Variants in RNLS observed in about 807,000 individuals in gnomAD.
RNLS encodes renalase, FAD dependent amine oxidase, also known as renalase.
Under a neutral mutation model 39.8 loss-of-function variants are expected in RNLS, and 39 were observed. The observed-to-expected ratio is 0.98, with a 90% CI of 0.76 to 1.28. The LOEUF (loss-of-function observed/expected upper bound fraction) is 1.28, where lower values mean the gene tolerates loss of function less well. Ranked by LOEUF, RNLS falls within the 50% of genes most tolerant of loss-of-function variation. The pLI, the probability that RNLS is intolerant of heterozygous loss-of-function variation, is 0.00. For synonymous variants in RNLS, 147 were observed against 150.7 expected, an observed-to-expected ratio of 0.98 and a Z score of 0.18; for missense variants, 410 against 413.3, an observed-to-expected ratio of 0.99 and a Z score of 0.07.
intron 6 of RNLS, among the ~76,000 whole-genome samples, chr10:88,276,356 A>G (rs183213756): frequency 6.6e-6 from 1 of 152,272 alleles, no homozygotes; most frequent in East Asian, 1.9e-4. Flanking sequence ...GCAACCTAGA[A>G]ATAGGTTAAA....
intron 5 of RNLS, among the ~76,000 whole-genome samples, chr10:88,345,873 A>G (rs1158381307): frequency 6.6e-6 from 1 of 151,886 alleles, no homozygotes; most frequent in Non-Finnish European, 1.5e-5. Flanking sequence ...ACCTAATTCT[A>G]AGTGCTGAGT....
rs550617377 is a variant in RNLS, at chr10:88,313,804, C to T, written c.876+662G>A. Among the ~76,000 whole-genome samples, 18 of 152,264 alleles carry T rather than the reference C, an allele frequency of 1.2e-4. No homozygotes were observed. The South Asian group carries it at 2.7e-3, about 23-fold the overall frequency. The stretch of plus-strand genomic sequence containing the variant: ...CTAAATGACTTCACTACTGAGTTTA[C>T]GGATCAAAAGACTTTTTCTATGAAT... On this transcript the variant is annotated intron_variant, in intron 6 of 6. Transcript: ENST00000331772.
At chr10:88,225,122 A>G in the RNLS span, among the ~76,000 whole-genome samples, 2 of 152,172 alleles carry the variant, frequency 1.3e-5, no homozygotes, top group South Asian at 2.1e-4. Flanking sequence ...GGAAAAAACA[A>G]TTTTCAGTTT....
chr10:88,352,336 T>C (rs1484653006), intron 5 of RNLS, among the ~76,000 whole-genome samples: 1 of 152,202 alleles, frequency 6.6e-6, no homozygotes, highest in Non-Finnish European at 1.5e-5. Context: ...GGTTGTGGGT[T>C]TGTCATAAAT....
At chr10:88,184,269 A>T in the RNLS span, among the ~76,000 whole-genome samples, 1 of 152,130 alleles carries the variant, frequency 6.6e-6, no homozygotes, top group Non-Finnish European at 1.5e-5. Flanking sequence ...CTTATTGATG[A>T]TACCTTATTC....
intron 4 of RNLS, among the ~76,000 whole-genome samples, chr10:88,441,326 G>A (rs1427808066): frequency 1.3e-5 from 2 of 152,032 alleles, no homozygotes; most frequent in African/African-American, 2.4e-5. Flanking sequence ...TCCCACCTAC[G>A]TATACACAAG....
the RNLS span, among the ~76,000 whole-genome samples, chr10:88,188,523 G>A: frequency 6.6e-6 from 1 of 152,202 alleles, no homozygotes; most frequent in African/African-American, 2.4e-5. Context: ...GAAATTTTGG[G>A]TACGATGCTT....
chr10:88,382,170 C>CTTA (rs1851564029), intron 4 of RNLS, among the ~76,000 whole-genome samples: 1 of 152,026 alleles, frequency 6.6e-6, no homozygotes, highest in African/African-American at 2.4e-5. Flanking sequence ...ACTGTGACAT[C>CTTA]TTATTTTTTA....
chr10:88,524,715 GTTCTA>G (rs1292045683), intron 4 of RNLS, among the ~76,000 whole-genome samples: 1 of 151,588 alleles, frequency 6.6e-6, no homozygotes, highest in Non-Finnish European at 1.5e-5. Flanking sequence ...ATCACATAAA[GTTCTA>G]TTCAACAGTA....
At chr10:88,175,863 G>A in the RNLS span, among the ~76,000 whole-genome samples, 3 of 152,076 alleles carry the variant, frequency 2.0e-5, no homozygotes, top group Non-Finnish European at 4.4e-5. Flanking sequence ...TATTGTATTG[G>A]AGTCTATTTC....
At chr10:88,328,089 G>A (rs1307527822) in intron 5 of RNLS, among the ~76,000 whole-genome samples, 1 of 152,066 alleles carries the variant, frequency 6.6e-6, no homozygotes, top group Non-Finnish European at 1.5e-5. Flanking sequence ...TGTATTTTTA[G>A]TAGAGACAGG....
the RNLS span, among the ~76,000 whole-genome samples, chr10:88,197,628 T>C: frequency 6.6e-6 from 1 of 152,228 alleles, no homozygotes; most frequent in Non-Finnish European, 1.5e-5. Flanking sequence ...ATTGAATTGT[T>C]TCCCCCTCAA....
At chr10:88,414,702 A>G (rs571371049) in intron 4 of RNLS, among the ~76,000 whole-genome samples, 6 of 152,186 alleles carry the variant, frequency 3.9e-5, no homozygotes, top group Non-Finnish European at 8.8e-5. Flanking sequence ...AAGTATTGTT[A>G]GTATTGAGAA....
chr10:88,564,680 T>C (rs185748270), intron 4 of RNLS, among the ~76,000 whole-genome samples: 7 of 152,216 alleles, frequency 4.6e-5, no homozygotes, highest in African/African-American at 1.2e-4. Context: ...TAGCATTACT[T>C]TGAGGATTAA....
intron 6 of RNLS, among the ~76,000 whole-genome samples, chr10:88,275,731 T>C (rs1336904923): frequency 6.6e-6 from 1 of 152,040 alleles, no homozygotes; most frequent in Admixed American, 6.6e-5. Context: ...GGTATCAAAG[T>C]AGGAAAATAT....
At chr10:88,266,353 A>G in the RNLS span, among the ~76,000 whole-genome samples, 1 of 152,180 alleles carries the variant, frequency 6.6e-6, no homozygotes, top group Non-Finnish European at 1.5e-5. Context: ...TACGTTCTTT[A>G]GAGCTTTGGA....
chr10:88,408,238 T>C (rs549969141), intron 4 of RNLS, among the ~76,000 whole-genome samples: 59 of 152,232 alleles, frequency 3.9e-4, no homozygotes, highest in Middle Eastern at 3.4e-3. Context: ...TCCTTTTTAT[T>C]TTCTTCCTTT....
At chr10:88,393,011 T>C (rs1852303851) in intron 4 of RNLS, among the ~76,000 whole-genome samples, 2 of 152,182 alleles carry the variant, frequency 1.3e-5, no homozygotes, top group South Asian at 2.1e-4. Flanking sequence ...CTAAAAACTC[T>C]CAATAAATTA....
chr10:88,242,600 G>A, the RNLS span, among the ~76,000 whole-genome samples: 9 of 152,074 alleles, frequency 5.9e-5, no homozygotes, highest in Non-Finnish European at 1.3e-4. Context: ...AACCAACCTC[G>A]ATATGAATTA....
Sources: allele counts gnomAD v4.1 joint callset (sites outside exome capture counted in the v4.1 genomes callset), GRCh38; gene constraint gnomAD v4.1.1; transcripts MANE v1.5; gene names NCBI Gene and HGNC (gene_info 2026-07-23, HGNC 2026-07-21).